Variants in FHAD1 observed in about 807,000 individuals in gnomAD.
FHAD1 encodes the protein forkhead-associated domain-containing protein 1.
Under a neutral mutation model 191.3 loss-of-function variants are expected in FHAD1, and 146 were observed. The observed-to-expected ratio is 0.76, with a 90% CI of 0.67 to 0.88. The LOEUF (loss-of-function observed/expected upper bound fraction) is 0.88, where lower values mean the gene tolerates loss of function less well. Ranked by LOEUF, FHAD1 falls within the 40% of genes least tolerant of loss-of-function variation. The pLI, the probability that FHAD1 is intolerant of heterozygous loss-of-function variation, is 0.00. For synonymous variants in FHAD1, 616 were observed against 672.3 expected (o/e 0.92, Z 1.29); for missense variants, 1,635 against 1,785.8 (o/e 0.92, Z 1.52).
At chr1:15,386,338 T>C (rs1354734329) in intron 31 of FHAD1, among the ~76,000 whole-genome samples, 1 of 152,238 alleles carries the variant, frequency 6.6e-6, no homozygotes, top group African/African-American at 2.4e-5. Flanking sequence ...TCCGAGACTT[T>C]TTCCCGGGTC....
chr1:15,274,437 G>A (rs868709018), intron 3 of FHAD1, among the ~76,000 whole-genome samples: 4 of 151,970 alleles, frequency 2.6e-5, no homozygotes, highest in Middle Eastern at 3.4e-3. Context: ...GTGAAACCCC[G>A]TCTCTACTGA....
chr1:15,306,071 A>T (rs1046374871), intron 6 of FHAD1, among the ~76,000 whole-genome samples: 2 of 152,248 alleles, frequency 1.3e-5, no homozygotes, highest in Non-Finnish European at 2.9e-5. Flanking sequence ...TTTGACAAAA[A>T]GCCTGATAGC....
At chr1:15,380,475 G>A (rs1700656224) in intron 28 of FHAD1, among the ~76,000 whole-genome samples, 1 of 152,324 alleles carries the variant, frequency 6.6e-6, no homozygotes, top group South Asian at 2.1e-4. Context: ...AACAAGACAA[G>A]TGATGTATAA....
chr1:15,254,433 A>G (rs1647170066), intron 2 of FHAD1, among the ~76,000 whole-genome samples: 1 of 152,244 alleles, frequency 6.6e-6, no homozygotes, highest in Non-Finnish European at 1.5e-5. Flanking sequence ...AGTACCTGGC[A>G]TATGGTACTA....
upstream of FHAD1, among the ~76,000 whole-genome samples, chr1:15,245,882 G>C (rs79236392): frequency 6.6e-6 from 1 of 152,212 alleles, no homozygotes; most frequent in African/African-American, 2.4e-5. Context: ...CTCCAGGCAC[G>C]TTTGAGCATC....
chr1:15,361,622 G>A (rs1463645516), intron 22 of FHAD1, among the ~76,000 whole-genome samples: 1 of 152,106 alleles, frequency 6.6e-6, no homozygotes, highest in East Asian at 1.9e-4. Context: ...TGCCCTGACA[G>A]GTGATCCAGG....
chr1:15,383,390 G>C (rs1188491824), intron 31 of FHAD1: 16 of 393,222 alleles, frequency 4.1e-5, no homozygotes, highest in Non-Finnish European at 8.2e-5. Flanking sequence ...GACCCATGCA[G>C]GTGGTCTCCT....
intron 8 of FHAD1, among the ~76,000 whole-genome samples, chr1:15,313,819 C>A (rs1023133918): frequency 6.6e-6 from 1 of 152,056 alleles, no homozygotes; most frequent in Non-Finnish European, 1.5e-5. Flanking sequence ...CCTGTAATCC[C>A]AGCACTTTTG....
intron 26 of FHAD1, among the ~76,000 whole-genome samples, chr1:15,371,651 C>CACAGAGAG (rs1282838268): frequency 6.6e-6 from 1 of 152,194 alleles, no homozygotes; most frequent in Non-Finnish European, 1.5e-5. Flanking sequence ...CCCTGCTATA[C>CACAGAGAG]ACAGAGAGAC....
chr1:15,259,222 T>C (rs1649834445), intron 2 of FHAD1, among the ~76,000 whole-genome samples: 1 of 152,290 alleles, frequency 6.6e-6, no homozygotes, highest in African/African-American at 2.4e-5. Context: ...CACACCCCCA[T>C]GTATAGACTA....
intron 19 of FHAD1, among the ~76,000 whole-genome samples, chr1:15,349,625 A>T (rs767125592): frequency 4.1e-4 from 63 of 152,228 alleles, no homozygotes; most frequent in Non-Finnish European, 1.5e-4. Flanking sequence ...TGGACTCCGG[A>T]GCAGGCCCTC....
Position 15,296,795 on chromosome 1 carries a change from T to C in FHAD1, c.678+2T>C, listed in dbSNP as rs775071554. ...GAGGACTTGGCCCAGCAGGACAAGGTGAGGGAGGGGTCTGGGGAAGGGTGG... is the reference window on the plus strand; with the variant it reads ...GAGGACTTGGCCCAGCAGGACAAGGCGAGGGAGGGGTCTGGGGAAGGGTGG... On this transcript the variant is annotated splice_donor_variant, in intron 5 of 33. Coordinates refer to ENST00000688493, the MANE Select transcript of FHAD1 (RefSeq NM_001391957.1). LOFTEE classifies it high-confidence loss of function. 6.5e-7 allele frequency: 1 copy of C among 1,550,346 alleles called. No individual in the cohort carries two copies. Among genetic ancestry groups the C allele is most frequent in the Non-Finnish European group, 8.7e-7 (1 of 1,146,008 alleles).
intron 10 of FHAD1, 24 bp downstream of exon 10, chr1:15,317,952 G>A: frequency 6.8e-7 from 1 of 1,469,286 alleles, no homozygotes; most frequent in Admixed American, 2.0e-5. Flanking sequence ...AACAGGCCCA[G>A]AGAGTGGTGT....
At chr1:15,350,984 G>A (rs1272968837) in intron 19 of FHAD1, among the ~76,000 whole-genome samples, 2 of 152,228 alleles carry the variant, frequency 1.3e-5, no homozygotes, top group Admixed American at 6.5e-5. Flanking sequence ...AGCCAGGGAT[G>A]GGGTCCTGAA....
intron 29 of FHAD1, 104 bp downstream of exon 29, chr1:15,380,900 A>G: frequency 1.2e-6 from 1 of 809,656 alleles, no homozygotes; most frequent in Non-Finnish European, 2.0e-6. Flanking sequence ...ATGCCTATTT[A>G]GTTACTCTAA....
chr1:15,237,494 A>G (rs1644906974), intron 1 of FHAD1, among the ~76,000 whole-genome samples: 1 of 151,952 alleles, frequency 6.6e-6, no homozygotes, highest in African/African-American at 2.4e-5. Flanking sequence ...TGACCCCACA[A>G]GCTCCACCCC....
chr1:15,294,951 G>C (rs1666428841), intron 4 of FHAD1, among the ~76,000 whole-genome samples: 1 of 152,182 alleles, frequency 6.6e-6, no homozygotes, highest in Non-Finnish European at 1.5e-5. Context: ...GGAAGAATTA[G>C]AATGGAGAAT....
Position 15,360,600 on chromosome 1 carries a change from G to T in FHAD1, c.2859G>T (p.Gln953His). 1 of 1,552,132 alleles carries T rather than the reference G, an allele frequency of 6.4e-7. No individual in the cohort carries two copies. Among genetic ancestry groups the T allele is most frequent in the Non-Finnish European group, 8.7e-7 (1 of 1,147,092 alleles). Residue 953 changes from glutamine to histidine, a missense_variant, in exon 22 of 34, where the codon CAG becomes CAT. Transcript: ENST00000688493. ...TGGAATATAAGGAGCAAATCAAACA[G>T]CACGCCCAGACAATTGTGAGCCTCG... ...EIMEYKEQIK[Q>H]HAQTIVSLEE... is the part of the protein sequence containing the mutation.
intron 2 of FHAD1, among the ~76,000 whole-genome samples, chr1:15,266,163 G>T (rs1653397265): frequency 6.6e-6 from 1 of 152,016 alleles, no homozygotes; most frequent in Non-Finnish European, 1.5e-5. Context: ...AGGCTGGAGT[G>T]TGGTGGTGCC....
Sources: allele counts gnomAD v4.1 joint callset (sites outside exome capture counted in the v4.1 genomes callset), GRCh38; gene constraint gnomAD v4.1.1; transcripts MANE v1.5; gene names NCBI Gene and HGNC (gene_info 2026-07-23, HGNC 2026-07-21).